ATP9A: variants seen among roughly 807,000 people sequenced by gnomAD.
ATP9A encodes the protein ATPase phospholipid transporting 9A.
In ATP9A, 52 loss-of-function variants were observed where a neutral mutation model predicts 144.1. The ratio of observed to expected loss-of-function variants is 0.36; its 90% CI spans 0.29 to 0.45. The LOEUF (loss-of-function observed/expected upper bound fraction) is 0.45. Among genes scored for constraint, ATP9A ranks in the 20% least tolerant of loss-of-function variants. ATP9A has a pLI of 1.00. For missense variants in ATP9A, 947 were observed against 1,392.7 expected, an observed-to-expected ratio of 0.68 and a Z score of 5.09; for synonymous variants, 582 against 557.4, an observed-to-expected ratio of 1.04 and a Z score of -0.62.
At chr20:51,678,414 C>T (rs777954149) in intron 9 of ATP9A, among the ~76,000 whole-genome samples, 5 of 152,202 alleles carry the variant, frequency 3.3e-5, no homozygotes, top group African/African-American at 2.4e-5. Flanking sequence ...GAAGGGACCA[C>T]GTCCTGGACA....
chr20:51,680,050 T>C (rs989454960), intron 9 of ATP9A, among the ~76,000 whole-genome samples: 1 of 151,636 alleles, frequency 6.6e-6, no homozygotes, highest in Non-Finnish European at 1.5e-5. Context: ...GCCAACATGG[T>C]GAAATCCCGT....
rs752744096 is a variant in ATP9A, at chr20:51,601,329, G to A, written c.3026C>T (p.Thr1009Ile). The change falls in exon 28 of 28, where the codon ACC becomes ATC. Residue 1009 changes from threonine to isoleucine, a missense_variant. Physicochemically the swap from Thr to Ile is moderately conservative, Grantham distance 89 (BLOSUM62 -1). Transcript: ENST00000338821. ...HEFIDVYFIA[T>I]LSFLWKVSVI... ...GGAGACTTTCCACAAGAATGACAAG[G>A]TGGCGATGAAGTACACATCTGCAAG... is the stretch of plus-strand genomic sequence containing the variant. The A allele has an allele frequency of 1.9e-6, 3 of 1,612,850 alleles. No individual in the cohort carries two copies. In the East Asian group the frequency reaches 6.7e-5, roughly 36 times the overall value.
chr20:51,627,241 A>AT (rs1017652172), intron 17 of ATP9A, among the ~76,000 whole-genome samples: 3 of 152,074 alleles, frequency 2.0e-5, no homozygotes, highest in African/African-American at 7.2e-5. Flanking sequence ...TCCTAGACAT[A>AT]TTTTTTGGCC....
chr20:51,715,944 A>G (rs1054052545), intron 3 of ATP9A, among the ~76,000 whole-genome samples: 20 of 148,992 alleles, frequency 1.3e-4, no homozygotes, highest in Non-Finnish European at 2.8e-4. Flanking sequence ...TCTTTTGCCA[A>G]GTTGTACCTC....
At chr20:51,685,214 G>C (rs1385233863) in intron 9 of ATP9A, among the ~76,000 whole-genome samples, 1 of 152,124 alleles carries the variant, frequency 6.6e-6, no homozygotes, top group East Asian at 1.9e-4. Flanking sequence ...TGAAGAAGAA[G>C]AGGCAAGTTT....
At chr20:51,608,358 CT>C (rs562796294) in intron 25 of ATP9A, among the ~76,000 whole-genome samples, 159 bp downstream of exon 25, 6 of 152,056 alleles carry the variant, frequency 3.9e-5, no homozygotes, top group Non-Finnish European at 7.4e-5. Flanking sequence ...ACTCCCACAC[CT>C]TCCCCCCAAA....
chr20:51,633,505 G>A (rs1236459632), intron 15 of ATP9A, among the ~76,000 whole-genome samples: 1 of 152,188 alleles, frequency 6.6e-6, no homozygotes, highest in African/African-American at 2.4e-5. Flanking sequence ...CAGTACTTAG[G>A]GAGGTTGAAG....
rs1277307693 is a variant in ATP9A, at chr20:51,625,237, T to C, written c.1971A>G (p.Ala657=). 6.2e-7 allele frequency: 1 copy of C among 1,613,954 alleles called. No homozygotes were observed. Among genetic ancestry groups the C allele is most frequent in the Non-Finnish European group, 8.5e-7 (1 of 1,180,032 alleles). Residue 657 remains alanine (A), a synonymous_variant, in exon 18 of 28, where the codon GCA becomes GCG. Transcript: ENST00000338821. ...CLTGVEDQLQ[A]DVRPTLETLR... is the part of the protein sequence containing the mutation. ...GGGTCTCCAGCGTGGGCCGCACATC[T>C]GCCTGCAGCTGGTCCTCCACGCCCG... is the stretch of plus-strand genomic sequence containing the variant.
intron 1 of ATP9A, among the ~76,000 whole-genome samples, chr20:51,767,259 C>G (rs1465009289): frequency 6.6e-6 from 1 of 152,074 alleles, no homozygotes; most frequent in Non-Finnish European, 1.5e-5. Flanking sequence ...CGCCCAACAC[C>G]GCGCTCAGCC....
At chr20:51,741,647 T>C (rs970365216) in intron 1 of ATP9A, among the ~76,000 whole-genome samples, 1 of 152,174 alleles carries the variant, frequency 6.6e-6, no homozygotes, top group Non-Finnish European at 1.5e-5. Context: ...GAACAGAGTT[T>C]CCCAAACTTC....
chr20:51,726,642 G>A (rs2077714617), intron 2 of ATP9A, among the ~76,000 whole-genome samples: 1 of 152,064 alleles, frequency 6.6e-6, no homozygotes, highest in African/African-American at 2.4e-5. Context: ...CCAGTGGCGT[G>A]ATCGTAGCTC....
chr20:51,739,659 T>C (rs1395697908), intron 1 of ATP9A, among the ~76,000 whole-genome samples: 1 of 152,184 alleles, frequency 6.6e-6, no homozygotes, highest in Non-Finnish European at 1.5e-5. Flanking sequence ...GGGGTTTAGC[T>C]GAGCCCAATC....
chr20:51,622,020 A>G, intron 19 of ATP9A, 54 bp downstream of exon 19: 1 of 1,510,856 alleles, frequency 6.6e-7, no homozygotes, highest in African/African-American at 1.4e-5. Flanking sequence ...TTAGGAGGTT[A>G]TAGGACAAAT....
Position 51,713,063 on chromosome 20 carries a change from C to T in ATP9A, c.339G>A (p.Leu113=), listed in dbSNP as rs2077646976. The part of the protein sequence containing the change: ...YTYWVPLGFV[L]AVTVIREAVE... ...CCGCCTCACGGATGACAGTGACGGCCAGCACGAAGCCCTGCAGAGACAGAC... is the reference window on the plus strand; with the variant it reads ...CCGCCTCACGGATGACAGTGACGGCTAGCACGAAGCCCTGCAGAGACAGAC... The change falls in exon 4 of 28, where the codon CTG becomes CTA. Residue 113 remains leucine (L), a synonymous_variant. Coordinates refer to ENST00000338821, the MANE Select transcript of ATP9A (RefSeq NM_006045.3). 3 of 1,610,808 alleles carry T rather than the reference C, an allele frequency of 1.9e-6. No homozygotes were observed. The highest frequency in any genetic ancestry group is 2.5e-6 in the Non-Finnish European group (3 of 1,178,704).
chr20:51,759,166 A>G (rs1421299841), intron 1 of ATP9A, among the ~76,000 whole-genome samples: 1 of 152,190 alleles, frequency 6.6e-6, no homozygotes, highest in Non-Finnish European at 1.5e-5. Context: ...GCACAGCCCC[A>G]TGGGCCGCTG....
intron 9 of ATP9A, among the ~76,000 whole-genome samples, chr20:51,677,647 C>T (rs2077483024): frequency 6.6e-6 from 1 of 152,168 alleles, no homozygotes; most frequent in Non-Finnish European, 1.5e-5. Context: ...GCACATTCTT[C>T]CTGCTAAACC....
At chr20:51,654,311 G>T (rs149092365) in intron 14 of ATP9A, among the ~76,000 whole-genome samples, 1 of 152,134 alleles carries the variant, frequency 6.6e-6, no homozygotes. Flanking sequence ...GAAGCACCAG[G>T]ACACAGAAGA....
rs536414666 is a variant in ATP9A, at chr20:51,679,433, C to T, written c.800-3225G>A. Among the ~76,000 whole-genome samples the T allele has an allele frequency of 1.7e-4, 26 of 152,288 alleles. No individual in the cohort carries two copies. The East Asian group carries it at 4.8e-3, about 28-fold the overall frequency. On this transcript the variant is annotated intron_variant, in intron 9 of 27. Coordinates refer to ENST00000338821, the MANE Select transcript of ATP9A (RefSeq NM_006045.3). ...GCTACACCCAGGGAGTGCTGAGGAA[C>T]AACCACCTCTTAGACAGGCACGTGC...
intron 14 of ATP9A, among the ~76,000 whole-genome samples, chr20:51,649,269 T>G (rs1431459725): frequency 6.6e-6 from 1 of 152,090 alleles, no homozygotes; most frequent in Non-Finnish European, 1.5e-5. Flanking sequence ...CAAAGCACTT[T>G]CAAGCCATCA....
Sources: gnomAD v4.1 joint callset for allele counts (sites outside exome capture counted in the v4.1 genomes callset) on GRCh38, gnomAD v4.1.1 for gene constraint, MANE v1.5 for transcripts, NCBI Gene and HGNC (gene_info 2026-07-23, HGNC 2026-07-21) for gene names.